MTAP: variants seen among roughly 807,000 people sequenced by gnomAD.
MTAP encodes methylthioadenosine phosphorylase, also known as S-methyl-5'-thioadenosine phosphorylase.
A neutral mutation model predicts 33.6 loss-of-function variants in MTAP; 33 were observed. That is an observed-to-expected ratio of 0.98 (90% CI 0.74 to 1.31). MTAP has a LOEUF of 1.31. Ranked by LOEUF, MTAP falls within the 40% of genes most tolerant of loss-of-function variation. The pLI is 0.00. For synonymous variants in MTAP, 148 were observed against 125.7 expected (o/e 1.18, Z -1.19); for missense variants, 367 against 360.0 (o/e 1.02, Z -0.16).
At position 21,853,106 on chromosome 9, in the gene MTAP, C is replaced by T. The variant is rs556828183; in HGVS notation, c.451-1525C>T. Among the ~76,000 whole-genome samples the T allele has an allele frequency of 3.3e-5, 5 of 152,302 alleles. No individual in the cohort carries two copies. The South Asian group carries it at 1.0e-3, about 32-fold the overall frequency. ...GTGGCTGACATATATTCATAGCCTCCATTTCTTCCTCCTCCTCATAAGCAT... is the reference window on the plus strand; with the variant it reads ...GTGGCTGACATATATTCATAGCCTCTATTTCTTCCTCCTCCTCATAAGCAT... On this transcript the variant is annotated intron_variant, in intron 5 of 7. Coordinates refer to ENST00000644715, the MANE Select transcript of MTAP (RefSeq NM_002451.4).
Position 21,854,828 on chromosome 9 carries a change from C to T in MTAP, c.648C>T (p.Ala216=). The change falls in exon 6 of 8, where the codon GCC becomes GCT. Residue 216 remains alanine (A), a synonymous_variant. Transcript: ENST00000644715. The part of the protein sequence containing the change: ...KEAGICYASI[A]MATDYDCWKE... ...CTGGAATTTGTTACGCAAGTATCGC[C>T]ATGGCGACAGATTATGACTGCTGGA... 6.2e-7 allele frequency: 1 copy of T among 1,614,130 alleles called. No homozygotes were observed. Among genetic ancestry groups the T allele is most frequent in the Non-Finnish European group, 8.5e-7 (1 of 1,179,994 alleles).
chr9:21,863,162 A>G lies in MTAP; in HGVS notation c.*1148A>G. 1.0e-6 allele frequency: 1 copy of G among 966,318 alleles called. No individual in the cohort carries two copies. The highest frequency in any genetic ancestry group is 1.2e-6 in the Non-Finnish European group (1 of 812,538). The allele number at this position is 966,318 out of a possible 1,614,324, so 59.9% of individuals were successfully genotyped here. On this transcript the variant is annotated 3_prime_UTR_variant, in exon 8 of 8. Coordinates refer to ENST00000644715, the MANE Select transcript of MTAP (RefSeq NM_002451.4). ...GAAAGTTTAACTATTTAAAAGACTA[A>G]ATGCACATTTTATGGTATCTGATAT...
chr9:21,820,919 C>G (rs918074989), intron 4 of MTAP, among the ~76,000 whole-genome samples: 53 of 152,224 alleles, frequency 3.5e-4, no homozygotes, highest in African/African-American at 1.3e-3. Context: ...AGATTTGGCT[C>G]TCTGTTTGTC....
chr9:21,836,372 A>G (rs1012133406), intron 4 of MTAP, among the ~76,000 whole-genome samples: 8 of 152,192 alleles, frequency 5.3e-5, no homozygotes, highest in Non-Finnish European at 8.8e-5. Flanking sequence ...AAGGTTAAAA[A>G]GTTCAAAACA....
intron 1 of MTAP, among the ~76,000 whole-genome samples, chr9:21,897,111 C>G (rs1352725993): frequency 6.6e-6 from 1 of 152,168 alleles, no homozygotes; most frequent in African/African-American, 2.4e-5. Context: ...ATTATATAAA[C>G]AGAACCAAAG....
In MTAP at chr9:21,864,781, T is replaced by A. The variant is rs1825823738; in HGVS notation, c.*2767T>A. On this transcript the variant is annotated 3_prime_UTR_variant, in exon 8 of 8. Transcript: ENST00000644715. Reference sequence around the variant, plus strand: ...GACTAAGGTGACCTCCAACCTGCCCTGAGCCAGCTGCCCTGCAGGTGCCAC... The same window carrying A: ...GACTAAGGTGACCTCCAACCTGCCCAGAGCCAGCTGCCCTGCAGGTGCCAC... The A allele has an allele frequency of 4.1e-6, 4 of 985,484 alleles. No individual in the cohort carries two copies. In the Admixed American group the frequency reaches 2.5e-4, roughly 61 times the overall value. 61.0% of individuals were successfully genotyped at this position (985,484 alleles called of 1,614,324 possible). A position where few individuals can be genotyped will look rare whatever the true frequency, so the allele number is the denominator to read the frequency against.
chr9:21,930,066 A>G, intron 1 of MTAP: 1 of 442,738 alleles, frequency 2.3e-6, no homozygotes, highest in South Asian at 1.8e-5. Context: ...AGTACTTGAA[A>G]TTTCTAGTTC....
intron 1 of MTAP, among the ~76,000 whole-genome samples, chr9:21,877,450 G>A (rs1826029376): frequency 6.6e-6 from 1 of 152,026 alleles, no homozygotes; most frequent in Non-Finnish European, 1.5e-5. Context: ...TTCAAGGGGA[G>A]TGCTTCCAGC....
At chr9:21,868,987 T>G (rs1208125266), downstream of MTAP, among the ~76,000 whole-genome samples, 3 of 152,186 alleles carry the variant, frequency 2.0e-5, no homozygotes, top group Non-Finnish European at 4.4e-5. Flanking sequence ...TGTTTCTCCC[T>G]GATCATTGTC....
rs1222666142 is a variant in MTAP, at chr9:21,915,055, C to CCTTTCTTTCTTT, written c.148-15935_148-15924dup. On this transcript the variant is annotated intron_variant, in intron 1 of 1. Transcript: ENST00000577563. ...TCCTTCCTTCCTTCCTTCCTTCCTT[C>CCTTTCTTTCTTT]CTTTCTTTCTTTCTTTCTTTCTTTC... Among the ~76,000 whole-genome samples, 44 of 25,830 alleles carry CCTTTCTTTCTTT rather than the reference C, an allele frequency of 1.7e-3. 2 individuals are homozygous for CCTTTCTTTCTTT. The highest frequency in any genetic ancestry group is 3.9e-3 in the Admixed American group (8 of 2,044). 16.9% of individuals were successfully genotyped at this position (25,830 alleles called of 152,430 possible). A position where few individuals can be genotyped will look rare whatever the true frequency, so the allele number is the denominator to read the frequency against.
At chr9:21,850,864 C>T (rs577041272) in intron 5 of MTAP, among the ~76,000 whole-genome samples, 1 of 152,296 alleles carries the variant, frequency 6.6e-6, no homozygotes, top group East Asian at 1.9e-4. Flanking sequence ...TCAAGCAGGT[C>T]CTGAAGGCAC....
chr9:21,926,306 T>C (rs563601751), intron 1 of MTAP, among the ~76,000 whole-genome samples: 2 of 152,202 alleles, frequency 1.3e-5, no homozygotes, highest in African/African-American at 4.8e-5. Context: ...TAATATACTA[T>C]AACTCGCTAT....
chr9:21,898,827 A>T (rs1818340150), intron 1 of MTAP, among the ~76,000 whole-genome samples: 1 of 152,188 alleles, frequency 6.6e-6, no homozygotes, highest in African/African-American at 2.4e-5. Flanking sequence ...CAATGTGGCG[A>T]TTCCTCAAGG....
intron 1 of MTAP, among the ~76,000 whole-genome samples, chr9:21,899,682 C>T (rs1818357732): frequency 6.6e-6 from 1 of 152,098 alleles, no homozygotes; most frequent in South Asian, 2.1e-4. Flanking sequence ...CACTCATTGT[C>T]ATGAGAACAA....
chr9:21,903,490 G>A (rs1818423934), intron 1 of MTAP, among the ~76,000 whole-genome samples: 1 of 152,106 alleles, frequency 6.6e-6, no homozygotes, highest in Admixed American at 6.6e-5. Flanking sequence ...CTGTCCTAGA[G>A]ACACTCTGAG....
chr9:21,864,968 C>T lies in MTAP; in HGVS notation c.*2954C>T, dbSNP rs553979688. ...TTAATTTTCTCAACAAGCATTTAGC[C>T]AGCACTTATCCAGTGAAACAATTTG... On this transcript the variant is annotated 3_prime_UTR_variant, in exon 8 of 8. Transcript: ENST00000644715. The T allele has an allele frequency of 1.0e-5, 10 of 985,436 alleles. No individual in the cohort carries two copies. In the South Asian group the frequency reaches 2.8e-4, roughly 28 times the overall value. 61.0% of individuals were successfully genotyped at this position (985,436 alleles called of 1,614,324 possible). A position where few individuals can be genotyped will look rare whatever the true frequency, so the allele number is the denominator to read the frequency against.
downstream of MTAP, among the ~76,000 whole-genome samples, chr9:21,867,891 T>C (rs1450985891): frequency 6.6e-6 from 1 of 152,184 alleles, no homozygotes; most frequent in Non-Finnish European, 1.5e-5. Flanking sequence ...TAGGATGTTT[T>C]AAATAAACTA....
In MTAP at chr9:21,818,023, C is replaced by T. The variant is rs745886047; in HGVS notation, c.180-12C>T. The T allele has an allele frequency of 3.7e-6, 6 of 1,601,466 alleles. No individual in the cohort carries two copies. The South Asian group carries it at 5.6e-5, about 15-fold the overall frequency. ...TCATCACGGGTTAACAATTTCTTCT[C>T]TCCTTCCATAGGCATGGAAGGCAGC... On this transcript the variant is annotated splice_polypyrimidine_tract_variant and intron_variant, in intron 3 of 7. Transcript: ENST00000644715.
chr9:21,857,323 A>G (rs1198777362), intron 6 of MTAP, among the ~76,000 whole-genome samples: 4 of 152,228 alleles, frequency 2.6e-5, no homozygotes, highest in Non-Finnish European at 5.9e-5. Flanking sequence ...TATCATTTAC[A>G]TGTGCCTGGC....
Sources: gnomAD v4.1 joint callset for allele counts (sites outside exome capture counted in the v4.1 genomes callset) on GRCh38, gnomAD v4.1.1 for gene constraint, MANE v1.5 for transcripts, NCBI Gene and HGNC (gene_info 2026-07-23, HGNC 2026-07-21) for gene names.